The following MCHR2 variants were observed in gnomAD, a reference collection of about 807,000 sequenced individuals.
The protein encoded by MCHR2 is melanin concentrating hormone receptor 2.
MCHR2 carries 15 observed loss-of-function variants against 24.8 expected under a neutral mutation model. That is an observed-to-expected ratio of 0.60 (90% CI 0.40 to 0.93). MCHR2 has a LOEUF of 0.93. Among genes scored for constraint, MCHR2 ranks in the 40% least tolerant of loss-of-function variants. The pLI, the probability that MCHR2 is intolerant of heterozygous loss-of-function variation, is 0.00. For missense variants in MCHR2, 386 were observed against 408.7 expected (o/e 0.94, Z 0.48); for synonymous variants, 151 against 147.6 (o/e 1.02, Z -0.17).
chr6:99,935,254 A>T (rs1205991098), intron 4 of MCHR2, among the ~76,000 whole-genome samples: 1 of 152,066 alleles, frequency 6.6e-6, no homozygotes, highest in Non-Finnish European at 1.5e-5. Flanking sequence ...TGAAATGTAC[A>T]ATAGGATATT....
At chr6:99,970,628 T>G (rs1430612942) in intron 1 of MCHR2, among the ~76,000 whole-genome samples, 1 of 152,206 alleles carries the variant, frequency 6.6e-6, no homozygotes, top group Non-Finnish European at 1.5e-5. Context: ...AGACATGAAG[T>G]CCTTGCCCAT....
chr6:99,973,170 G>C (rs1023290357), intron 1 of MCHR2, among the ~76,000 whole-genome samples: 3 of 151,586 alleles, frequency 2.0e-5, no homozygotes, highest in Admixed American at 6.6e-5. Flanking sequence ...GGGTGTTAAA[G>C]TCTCCCATTA....
At position 99,920,609 on chromosome 6, in the gene MCHR2, G is replaced by T. The variant is rs980669521; in HGVS notation, c.*331C>A. 3 of 253,736 alleles carry T rather than the reference G, an allele frequency of 1.2e-5. No individual in the cohort carries two copies. Among genetic ancestry groups the T allele is most frequent in the African/African-American group, 4.4e-5 (2 of 45,526 alleles). 15.7% of individuals were successfully genotyped at this position (253,736 alleles called of 1,614,324 possible). On this transcript the variant is annotated 3_prime_UTR_variant, in exon 6 of 6. Transcript: ENST00000281806. ...GCCACAGTGTGGAGGGCAAGGTCAG[G>T]TTCCTTGGTGAGTTTTGAGTCAATG...
intron 4 of MCHR2, among the ~76,000 whole-genome samples, chr6:99,936,786 G>A (rs1023089047): frequency 5.9e-5 from 9 of 151,900 alleles, no homozygotes; most frequent in Non-Finnish European, 5.9e-5. Flanking sequence ...GGGTAGTAGT[G>A]TCATTTTAAC....
intron 1 of MCHR2, among the ~76,000 whole-genome samples, chr6:99,962,787 C>A (rs563717286): frequency 6.6e-6 from 1 of 152,024 alleles, no homozygotes; most frequent in Non-Finnish European, 1.5e-5. Context: ...GCAAAGGAAA[C>A]AACAGAGTCT....
chr6:99,922,214 C>G (rs1263208768), intron 5 of MCHR2, among the ~76,000 whole-genome samples: 2 of 150,672 alleles, frequency 1.3e-5, no homozygotes, highest in Non-Finnish European at 2.9e-5. Flanking sequence ...TCATGCCATT[C>G]TCCTGCCTCA....
intron 1 of MCHR2, among the ~76,000 whole-genome samples, chr6:99,956,757 A>T (rs755187581): frequency 2.0e-5 from 3 of 152,280 alleles, no homozygotes; most frequent in Non-Finnish European, 1.5e-5. Flanking sequence ...AGAAGTATTC[A>T]AGGCCAAATG....
intron 2 of MCHR2, among the ~76,000 whole-genome samples, chr6:99,951,880 G>A (rs1036706312): frequency 2.0e-5 from 3 of 152,088 alleles, no homozygotes; most frequent in Non-Finnish European, 2.9e-5. Context: ...TCATGACTTA[G>A]TGTGAATTAG....
chr6:99,956,239 T>C, intron 1 of MCHR2, 65 bp from the exon 2 acceptor site: 4 of 1,143,186 alleles, frequency 3.5e-6, no homozygotes, highest in East Asian at 2.6e-5. Context: ...CTTTACCTAA[T>C]TCAAATAATA....
chr6:99,936,555 CT>C (rs947624744), intron 4 of MCHR2, among the ~76,000 whole-genome samples: 4 of 151,924 alleles, frequency 2.6e-5, no homozygotes, highest in Non-Finnish European at 4.4e-5. Flanking sequence ...GTCAATGTGT[CT>C]TTTTATGCCA....
intron 2 of MCHR2, among the ~76,000 whole-genome samples, chr6:99,952,350 A>G (rs1774980929): frequency 6.6e-6 from 1 of 152,128 alleles, no homozygotes; most frequent in South Asian, 2.1e-4. Context: ...TTGAAGCTCC[A>G]TCTTCCTTAA....
rs1240211321 is a variant in MCHR2 at position 99,944,723 on chromosome 6, G to A, written c.393-1580C>T. On this transcript the variant is annotated intron_variant, in intron 3 of 5. Coordinates refer to ENST00000281806, the MANE Select transcript of MCHR2 (RefSeq NM_001040179.2). Reference sequence around the variant, plus strand: ...ATTTTTACTGGAATTATAGGATGAGGAAGTCATGGGATCAAGCAATTAAGG... The same window carrying A: ...ATTTTTACTGGAATTATAGGATGAGAAAGTCATGGGATCAAGCAATTAAGG... Among the ~76,000 whole-genome samples the A allele has an allele frequency of 1.4e-4, 21 of 152,144 alleles. 1 individual carries two copies. The highest frequency in any genetic ancestry group is 1.4e-3 in the Admixed American group (21 of 15,264).
intron 2 of MCHR2, among the ~76,000 whole-genome samples, chr6:99,949,505 C>T (rs1774929063): frequency 6.6e-6 from 1 of 152,070 alleles, no homozygotes; most frequent in African/African-American, 2.4e-5. Flanking sequence ...TAGTGTGTGT[C>T]TTTATTATTC....
chr6:99,977,665 T>C (rs562999133), intron 1 of MCHR2, among the ~76,000 whole-genome samples: 1 of 152,280 alleles, frequency 6.6e-6, no homozygotes, highest in Non-Finnish European at 1.5e-5. Context: ...CACTGGCCCC[T>C]AGAGGTCCTG....
chr6:99,946,530 C>T lies in MCHR2; in HGVS notation c.392+1232G>A, dbSNP rs148640937. 2.3e-3 allele frequency among the ~76,000 whole-genome samples: 348 copies of T among 152,218 alleles called. 2 individuals carry two copies. The highest frequency in any genetic ancestry group is 7.9e-3 in the African/African-American group (329 of 41,558). On this transcript the variant is annotated intron_variant, in intron 3 of 5. Coordinates refer to ENST00000281806, the MANE Select transcript of MCHR2 (RefSeq NM_001040179.2). ...TCTGGATGGACCCAGGGAAATTTAA[C>T]ATACCCTTCAAGACATTCATTCATT...
chr6:99,928,425 C>T (rs1218509601), intron 5 of MCHR2, among the ~76,000 whole-genome samples: 3 of 151,994 alleles, frequency 2.0e-5, no homozygotes, highest in Non-Finnish European at 4.4e-5. Flanking sequence ...CCAGTTCCTC[C>T]TTGTACCTCT....
chr6:99,964,126 G>A lies in MCHR2; in HGVS notation c.-27-7952C>T, dbSNP rs530425834. Among the ~76,000 whole-genome samples, 6 of 152,198 alleles carry A rather than the reference G, an allele frequency of 3.9e-5. No individual in the cohort carries two copies. In the South Asian group the frequency reaches 1.0e-3, roughly 26 times the overall value. ...TTGGTGAAAAGTTTCATGTCTAACA[G>A]TTCTAAGTGTTGGAGCCACAGAAAC... is the stretch of plus-strand genomic sequence containing the variant. On this transcript the variant is annotated intron_variant, in intron 1 of 5. Transcript: ENST00000281806.
Position 99,921,137 on chromosome 6 carries a change from G to GTCCC in MCHR2, c.825_826insGGGA (p.Gln276GlyfsTer28). The GTCCC allele has an allele frequency of 1.9e-6, 3 of 1,614,168 alleles. No individual in the cohort carries two copies. The highest frequency in any genetic ancestry group is 2.5e-6 in the Non-Finnish European group (3 of 1,180,026). On this transcript the variant is annotated frameshift_variant, in exon 6 of 6. Coordinates refer to ENST00000281806, the MANE Select transcript of MCHR2 (RefSeq NM_001040179.2). LOFTEE classifies it low-confidence loss of function (END_TRUNC). ...AAGGCCAGTGTGGGCTGTTCCATCT[G>GTCCC]TAAGTTCACCAGTTGTATCACATGA... is the stretch of plus-strand genomic sequence containing the variant.
chr6:99,948,691 C>T (rs1774918464), intron 2 of MCHR2, among the ~76,000 whole-genome samples: 1 of 152,126 alleles, frequency 6.6e-6, no homozygotes, highest in Admixed American at 6.6e-5. Context: ...ACAAGTTATA[C>T]CAACTTTAAA....
Sources: gnomAD v4.1 joint callset for allele counts (sites outside exome capture counted in the v4.1 genomes callset) on GRCh38, gnomAD v4.1.1 for gene constraint, MANE v1.5 for transcripts, NCBI Gene and HGNC (gene_info 2026-07-23, HGNC 2026-07-21) for gene names.